Variants in ZNF777 observed in about 807,000 individuals in gnomAD.
The protein encoded by ZNF777 is zinc finger protein 777.
Under a neutral mutation model 72.1 loss-of-function variants are expected in ZNF777, and 7 were observed. The ratio of observed to expected loss-of-function variants is 0.10; its 90% CI spans 0.06 to 0.18. The LOEUF (loss-of-function observed/expected upper bound fraction) is 0.18. Ranked by LOEUF, ZNF777 falls within the 10% of genes least tolerant of loss-of-function variation. The pLI is 1.00. For missense variants in ZNF777, 828 were observed against 1,128.6 expected (o/e 0.73, Z 3.82); for synonymous variants, 545 against 483.5 (o/e 1.13, Z -1.67).
intron 4 of ZNF777, among the ~76,000 whole-genome samples, chr7:149,447,504 T>C (rs2116591216): frequency 6.6e-6 from 1 of 152,288 alleles, no homozygotes; most frequent in Middle Eastern, 3.4e-3. Flanking sequence ...GGGCCACCCT[T>C]AGCACCTCCC....
intron 3 of ZNF777, 134 bp downstream of exon 3, chr7:149,453,977 T>G (rs1263869240): frequency 1.5e-6 from 2 of 1,352,768 alleles, no homozygotes; most frequent in Non-Finnish European, 2.0e-6. Flanking sequence ...TGCTTTAATT[T>G]GTTGTGATCT....
At position 149,436,955 on chromosome 7, in the gene ZNF777, A is replaced by G. The variant is rs1799422751; in HGVS notation, c.1088-129T>C. ...ATCTTAGAGACCCTGAAGAAATGTAATATTGAGTTGGAAATGAGTAGACAC... is the reference window on the plus strand; with the variant it reads ...ATCTTAGAGACCCTGAAGAAATGTAGTATTGAGTTGGAAATGAGTAGACAC... On this transcript the variant is annotated intron_variant, in intron 4 of 5. Coordinates refer to ENST00000247930, the MANE Select transcript of ZNF777 (RefSeq NM_015694.3). This position sits in a 1 kb window ranked among gnomAD's most constrained non-coding sequence, Gnocchi z 5.0. The G allele has an allele frequency of 2.5e-6, 3 of 1,213,472 alleles. No homozygotes were observed. Among genetic ancestry groups the G allele is most frequent in the Non-Finnish European group, 3.4e-6 (3 of 880,580 alleles). The allele number at this position is 1,213,472 out of a possible 1,614,324, so 75.2% of individuals were successfully genotyped here.
chr7:149,452,689 A>C (rs1237386579), intron 3 of ZNF777, among the ~76,000 whole-genome samples: 2 of 152,108 alleles, frequency 1.3e-5, no homozygotes, highest in Admixed American at 6.5e-5. Flanking sequence ...TTTCACCTAT[A>C]AAAAAGGCTA....
rs750312300 is a variant in ZNF777 at position 149,431,756 on chromosome 7, GGCGGCGGCGGGGC to G, written c.*7_*19del. 4 of 1,458,716 alleles carry G rather than the reference GGCGGCGGCGGGGC, an allele frequency of 2.7e-6. No individual in the cohort carries two copies. In the Admixed American group the frequency reaches 1.1e-4, roughly 40 times the overall value. 90.4% of individuals were successfully genotyped at this position (1,458,716 alleles called of 1,614,324 possible). On this transcript the variant is annotated 3_prime_UTR_variant, in exon 6 of 6. Coordinates refer to ENST00000247930, the MANE Select transcript of ZNF777 (RefSeq NM_015694.3). ...GCACGGCCCGCGCACCTGGCCGGGC[GGCGGCGGCGGGGC>G]GCGCGCTCACTCGCCCGTGTGGGTC...
rs1163353015 is a variant in ZNF777, at chr7:149,431,380, CTAT to C, written c.*393_*395del. The C allele has an allele frequency of 2.7e-6, 1 of 376,492 alleles. No individual in the cohort carries two copies. The highest frequency in any genetic ancestry group is 2.3e-5 in the African/African-American group (1 of 44,406). 23.3% of individuals were successfully genotyped at this position (376,492 alleles called of 1,614,324 possible). ...AAACGCTCTTCTTTTAAAAATTACTCTATTATTATCAAATAGAACCACAGTATC... is the reference window on the plus strand; with the variant it reads ...AAACGCTCTTCTTTTAAAAATTACTCTATTATCAAATAGAACCACAGTATC... On this transcript the variant is annotated 3_prime_UTR_variant, in exon 6 of 6. Transcript: ENST00000247930.
chr7:149,448,578 AC>A (rs1799655108), intron 4 of ZNF777, among the ~76,000 whole-genome samples: 1 of 39,968 alleles, frequency 2.5e-5, no homozygotes, highest in African/African-American at 1.5e-4. Flanking sequence ...TATACATATA[AC>A]TATATATATA....
chr7:149,434,430 A>G (rs1428714282), intron 5 of ZNF777, among the ~76,000 whole-genome samples: 49 of 152,178 alleles, frequency 3.2e-4, no homozygotes, highest in Admixed American at 3.1e-3. Flanking sequence ...GTGATGCCTA[A>G]AAGATCAAGG....
At position 149,448,507 on chromosome 7, in the gene ZNF777, AT is replaced by A. The variant is rs1224344445; in HGVS notation, c.1087+2491del. Among the ~76,000 whole-genome samples the A allele has an allele frequency of 1.8e-4, 23 of 127,438 alleles. 1 individual carries two copies. Among genetic ancestry groups the A allele is most frequent in the East Asian group, 4.4e-4 (2 of 4,510 alleles). 83.6% of individuals were successfully genotyped at this position (127,438 alleles called of 152,430 possible). A position where few individuals can be genotyped will look rare whatever the true frequency, so the allele number is the denominator to read the frequency against. ...AAACTATATATATATATATATATAT[AT>A]ATAACTATATATAGTTATACATATA... On this transcript the variant is annotated intron_variant, in intron 4 of 5. Coordinates refer to ENST00000247930, the MANE Select transcript of ZNF777 (RefSeq NM_015694.3).
In ZNF777 at chr7:149,432,901, G is replaced by A. The variant is rs1446231880; in HGVS notation, c.1371C>T (p.Asp457=). The A allele has an allele frequency of 1.3e-6, 2 of 1,517,424 alleles. No homozygotes were observed. The highest frequency in any genetic ancestry group is 2.3e-5 in the East Asian group (1 of 42,970). The allele number at this position is 1,517,424 out of a possible 1,614,324, so 94.0% of individuals were successfully genotyped here. The part of the protein sequence containing the change: ...EGIVIKTEEQ[D]EEEEEEEEDE... ...CCTCCTCCTCCTCTTCTTCCTCCTC[G>A]TCTTGTTCCTCTGTCTTGATCACGA... The change falls in exon 6 of 6, where the codon GAC becomes GAT. Residue 457 remains aspartate, a synonymous_variant. Coordinates refer to ENST00000247930, the MANE Select transcript of ZNF777 (RefSeq NM_015694.3).
Position 149,431,529 on chromosome 7 carries a change from A to C in ZNF777, c.*247T>G. 2.2e-6 allele frequency: 1 copy of C among 456,258 alleles called. No individual in the cohort carries two copies. The highest frequency in any genetic ancestry group is 4.4e-6 in the Non-Finnish European group (1 of 229,124). 28.3% of individuals were successfully genotyped at this position (456,258 alleles called of 1,614,324 possible). A position where few individuals can be genotyped will look rare whatever the true frequency, so the allele number is the denominator to read the frequency against. ...GTTTCATCCATTTTATTGTCAAGGAAATTAACAGCCCGAAAGGGTTCCCCA... is the reference window on the plus strand; with the variant it reads ...GTTTCATCCATTTTATTGTCAAGGACATTAACAGCCCGAAAGGGTTCCCCA... On this transcript the variant is annotated 3_prime_UTR_variant, in exon 6 of 6. Coordinates refer to ENST00000247930, the MANE Select transcript of ZNF777 (RefSeq NM_015694.3).
chr7:149,458,916 C>T (rs535495073), intron 1 of ZNF777, among the ~76,000 whole-genome samples: 1 of 152,338 alleles, frequency 6.6e-6, no homozygotes, highest in South Asian at 2.1e-4. Flanking sequence ...ACGGTCCCTC[C>T]TTCCCCGACG....
intron 4 of ZNF777, among the ~76,000 whole-genome samples, chr7:149,448,451 C>T (rs1232072751): frequency 2.3e-5 from 3 of 131,520 alleles, no homozygotes; most frequent in Non-Finnish European, 4.8e-5. Flanking sequence ...GCCTGGGCAA[C>T]AAAGTGAGGC....
intron 4 of ZNF777, among the ~76,000 whole-genome samples, chr7:149,445,822 G>C (rs1300897258): frequency 6.6e-6 from 1 of 152,158 alleles, no homozygotes; most frequent in Non-Finnish European, 1.5e-5. Flanking sequence ...GAGCTGAGGG[G>C]AGCTTTAAGC....
Position 149,431,768 on chromosome 7 carries a change from G to A in ZNF777, c.*8C>T, listed in dbSNP as rs1226670060. 1.3e-6 allele frequency: 2 copies of A among 1,544,152 alleles called. No homozygotes were observed. The highest frequency in any genetic ancestry group is 2.4e-5 in the East Asian group (1 of 41,810). On this transcript the variant is annotated 3_prime_UTR_variant, in exon 6 of 6. Coordinates refer to ENST00000247930, the MANE Select transcript of ZNF777 (RefSeq NM_015694.3). Reference sequence around the variant, plus strand: ...CACCTGGCCGGGCGGCGGCGGCGGGGCGCGCGCTCACTCGCCCGTGTGGGT... The same window carrying A: ...CACCTGGCCGGGCGGCGGCGGCGGGACGCGCGCTCACTCGCCCGTGTGGGT...
rs1302803846 is a variant in ZNF777, at chr7:149,432,531, T to C, written c.1741A>G (p.Ile581Val). Residue 581 changes from isoleucine (I) to valine (V), a missense_variant, in exon 6 of 6, where the codon ATC becomes GTC. Physicochemically the swap from Ile to Val is conservative, Grantham distance 29. Transcript: ENST00000247930. ...EGPYECAECE[I>V]SFRHKQQLTL... ...AGCTGTTGCTTGTGCCGGAAGCTGA[T>C]CTCGCATTCGGCGCACTCGTAGGGC... The C allele has an allele frequency of 6.2e-7, 1 of 1,613,770 alleles. No homozygotes were observed. The highest frequency in any genetic ancestry group is 8.5e-7 in the Non-Finnish European group (1 of 1,179,902).
rs1563232830 is a variant in ZNF777, at chr7:149,432,874, A to ATCCTCCTCCTCCTCTTCT, written c.1380_1397dup (p.Glu460_Glu465dup). Reference sequence around the variant, plus strand: ...GGGATTGCAAGTGCTGCGGCAGCTCATCCTCCTCCTCCTCTTCTTCCTCCT... The same window carrying ATCCTCCTCCTCCTCTTCT: ...GGGATTGCAAGTGCTGCGGCAGCTCATCCTCCTCCTCCTCTTCTTCCTCCTCCTCCTCTTCTTCCTCCT... On this transcript the variant is annotated inframe_insertion, in exon 6 of 6. Transcript: ENST00000247930. The ATCCTCCTCCTCCTCTTCT allele has an allele frequency of 6.4e-7, 1 of 1,557,258 alleles. No homozygotes were observed.
rs1799824586 is a variant in ZNF777 at position 149,456,045 on chromosome 7, C to T, written c.-15-8G>A. The stretch of plus-strand genomic sequence containing the variant: ...CATGTCCAGCTGCTGAACCTGTGTT[C>T]ATGGAAGAAAGGAAAAGAGGATTAA... On this transcript the variant is annotated splice_region_variant and splice_polypyrimidine_tract_variant and intron_variant, in intron 1 of 5. Coordinates refer to ENST00000247930, the MANE Select transcript of ZNF777 (RefSeq NM_015694.3). 1 of 1,521,428 alleles carries T rather than the reference C, an allele frequency of 6.6e-7. No individual in the cohort carries two copies. Among genetic ancestry groups the T allele is most frequent in the Non-Finnish European group, 8.8e-7 (1 of 1,133,672 alleles). 94.2% of individuals were successfully genotyped at this position (1,521,428 alleles called of 1,614,324 possible). A position where few individuals can be genotyped will look rare whatever the true frequency, so the allele number is the denominator to read the frequency against.
intron 1 of ZNF777, among the ~76,000 whole-genome samples, chr7:149,456,539 T>TA (rs1799837040): frequency 6.6e-6 from 1 of 152,138 alleles, no homozygotes; most frequent in South Asian, 2.1e-4. Context: ...CAGAATTTTG[T>TA]AAAAGCCAAG....
At chr7:149,458,556 T>C (rs1362807042) in intron 1 of ZNF777, among the ~76,000 whole-genome samples, 1 of 136,108 alleles carries the variant, frequency 7.3e-6, no homozygotes, top group Non-Finnish European at 1.7e-5. Flanking sequence ...CCCTCCAGTA[T>C]AGTAAACAGA....
Sources: allele counts gnomAD v4.1 joint callset (sites outside exome capture counted in the v4.1 genomes callset), GRCh38; gene constraint gnomAD v4.1.1; non-coding constraint Gnocchi (gnomAD v3.1); transcripts MANE v1.5; gene names NCBI Gene and HGNC (gene_info 2026-07-23, HGNC 2026-07-21).